The following NMT2 variants were observed in gnomAD, a reference collection of about 807,000 sequenced individuals.
The protein encoded by NMT2 is N-myristoyltransferase 2.
In NMT2, 35 loss-of-function variants were observed where a neutral mutation model predicts 65.4. The observed-to-expected ratio is 0.54, with a 90% confidence interval of 0.41 to 0.71. NMT2 has a LOEUF of 0.71. Among genes scored for constraint, NMT2 ranks in the 30% least tolerant of loss-of-function variants. NMT2 has a pLI of 0.00. For synonymous variants in NMT2, 226 were observed against 231.8 expected (o/e 0.98, Z 0.23); for missense variants, 489 against 611.3 (o/e 0.80, Z 2.11).
At chr10:15,163,165 G>A (rs946818010) in intron 1 of NMT2, among the ~76,000 whole-genome samples, 29 of 152,056 alleles carry the variant, frequency 1.9e-4, no homozygotes, top group African/African-American at 6.8e-4. Flanking sequence ...CTCCACCTTG[G>A]CTTCCCAAAG....
intron 1 of NMT2, among the ~76,000 whole-genome samples, chr10:15,167,435 C>A (rs551179246): frequency 6.6e-6 from 1 of 152,326 alleles, no homozygotes; most frequent in African/African-American, 2.4e-5. Flanking sequence ...TCTCTACGAA[C>A]TGAGTAAACC....
intron 2 of NMT2, chr10:15,138,429 T>C (rs549604644): frequency 1.3e-5 from 6 of 471,198 alleles, no homozygotes; most frequent in South Asian, 7.7e-5. Flanking sequence ...TCACCTTCCA[T>C]AGTAGCACTA....
At chr10:15,146,051 A>T (rs1329979703) in intron 1 of NMT2, among the ~76,000 whole-genome samples, 1 of 152,194 alleles carries the variant, frequency 6.6e-6, no homozygotes, top group Non-Finnish European at 1.5e-5. Flanking sequence ...TCAGCCCTGC[A>T]TATCATGTGG....
intron 1 of NMT2, among the ~76,000 whole-genome samples, chr10:15,164,720 T>G (rs746454247): frequency 6.6e-6 from 1 of 152,132 alleles, no homozygotes; most frequent in Non-Finnish European, 1.5e-5. Flanking sequence ...TAACCTCAGA[T>G]CCAACGGTGA....
chr10:15,113,632 G>A (rs1207296824), intron 9 of NMT2, among the ~76,000 whole-genome samples: 3 of 152,244 alleles, frequency 2.0e-5, no homozygotes, highest in East Asian at 3.9e-4. Context: ...TTAGAGGGCT[G>A]CCTTCTCCAA....
chr10:15,109,298 T>G, intron 11 of NMT2, 83 bp from the exon 12 acceptor site: 1 of 1,534,766 alleles, frequency 6.5e-7, no homozygotes, highest in Non-Finnish European at 8.8e-7. Flanking sequence ...AAAGCTGTCT[T>G]AAGGCTCAGC....
intron 11 of NMT2, 116 bp downstream of exon 11, chr10:15,109,586 T>A (rs1845438869): frequency 1.6e-5 from 13 of 819,766 alleles, no homozygotes; most frequent in South Asian, 1.1e-4. Context: ...AATAAATAAA[T>A]AAATAAATAA....
intron 1 of NMT2, among the ~76,000 whole-genome samples, chr10:15,150,884 C>A (rs2131602549): frequency 6.6e-6 from 1 of 152,248 alleles, no homozygotes; most frequent in African/African-American, 2.4e-5. Flanking sequence ...TCTTGATGAT[C>A]CCCCTTGCTA....
At chr10:15,128,263 G>A (rs1178052591) in intron 8 of NMT2, 87 bp downstream of exon 8, 1 of 802,604 alleles carries the variant, frequency 1.2e-6, no homozygotes, top group Non-Finnish European at 2.1e-6. Flanking sequence ...ACACCAGTCA[G>A]TTTTTAGACT....
chr10:15,136,606 TCTCCTGACC>T (rs1435906030), intron 2 of NMT2, among the ~76,000 whole-genome samples: 2 of 152,124 alleles, frequency 1.3e-5, no homozygotes, highest in African/African-American at 4.8e-5. Context: ...ACCCTGCCCT[TCTCCTGACC>T]CTCCTGATCC....
At position 15,168,489 on chromosome 10, in the gene NMT2, C is replaced by G. The variant is rs753275889; in HGVS notation, c.110+14G>C. The G allele has an allele frequency of 4.5e-6, 7 of 1,569,828 alleles. No individual in the cohort carries two copies. In the Admixed American group the frequency reaches 5.2e-5, roughly 12 times the overall value. On this transcript the variant is annotated intron_variant, in intron 1 of 11. Transcript: ENST00000378165. ...CGCCCTGTCGCGCCCGGTGCGCCAG[C>G]GCGCCGCCCCTACCCTTTGGCGTGC... is the stretch of plus-strand genomic sequence containing the variant.
chr10:15,147,962 G>A (rs1847021428), intron 1 of NMT2, among the ~76,000 whole-genome samples: 1 of 152,182 alleles, frequency 6.6e-6, no homozygotes, highest in Non-Finnish European at 1.5e-5. Context: ...AATAAGGTTA[G>A]ACATTTATAA....
chr10:15,164,146 G>A (rs1377175436), intron 1 of NMT2, among the ~76,000 whole-genome samples: 1 of 134,658 alleles, frequency 7.4e-6, no homozygotes, highest in Admixed American at 8.7e-5. Context: ...TCGCGCCACT[G>A]CACTTCAGCC....
At chr10:15,168,254 A>C in intron 1 of NMT2, 8 of 368,642 alleles carry the variant, frequency 2.2e-5, no homozygotes, top group Non-Finnish European at 3.9e-5. Context: ...GCGCGCGGCA[A>C]GTGACAGTAG....
At chr10:15,151,853 C>T (rs188975683) in intron 1 of NMT2, among the ~76,000 whole-genome samples, 1 of 151,540 alleles carries the variant, frequency 6.6e-6, no homozygotes, top group African/African-American at 2.4e-5. Flanking sequence ...GGTGAAACCC[C>T]GTCTCTACCA....
At chr10:15,155,056 G>C in intron 1 of NMT2, 3 of 1,291,826 alleles carry the variant, frequency 2.3e-6, no homozygotes, top group Non-Finnish European at 3.4e-6. Context: ...GTATGCTTCA[G>C]AATGAAGTTC....
chr10:15,127,546 C>CAAAAAAAAAAAAAAAAAA (rs1239422956), intron 8 of NMT2, among the ~76,000 whole-genome samples: 7 of 51,366 alleles, frequency 1.4e-4, no homozygotes, highest in African/African-American at 2.5e-4. Context: ...GACTCCGTCT[C>CAAAAAAAAAAAAAAAAAA]AAAAAAAAAA....
chr10:15,110,186 C>A (rs1002475382), intron 10 of NMT2, among the ~76,000 whole-genome samples: 1 of 152,120 alleles, frequency 6.6e-6, no homozygotes, highest in African/African-American at 2.4e-5. Flanking sequence ...GGCAGGAGAA[C>A]TGCTTGAGCC....
intron 1 of NMT2, among the ~76,000 whole-genome samples, chr10:15,160,578 C>A (rs1833153625): frequency 6.6e-6 from 1 of 151,922 alleles, no homozygotes. Context: ...AGTTCGAGAC[C>A]AGCCGGCCAA....
Sources: gnomAD v4.1 joint callset for allele counts (sites outside exome capture counted in the v4.1 genomes callset) on GRCh38, gnomAD v4.1.1 for gene constraint, MANE v1.5 for transcripts, NCBI Gene and HGNC (gene_info 2026-07-23, HGNC 2026-07-21) for gene names.